CXCL13: variants seen among roughly 807,000 people sequenced by gnomAD.
CXCL13 encodes C-X-C motif chemokine 13.
CXCL13 carries 7 observed loss-of-function variants against 12.2 expected under a neutral mutation model. That is an observed-to-expected ratio of 0.57 (90% confidence interval 0.33 to 1.07). The LOEUF is 1.07. CXCL13 is among the 50% of genes least tolerant of loss of function. The probability of loss-of-function intolerance (pLI) is 0.04; values close to 1 mark genes in which losing one functional copy is unlikely to be tolerated. For missense variants in CXCL13, 113 were observed against 127.4 expected (o/e 0.89, Z 0.55); for synonymous variants, 47 against 42.4 (o/e 1.11, Z -0.42).
chr4:77,546,281 T>G (rs1315263842), intron 1 of CXCL13, among the ~76,000 whole-genome samples: 1 of 152,208 alleles, frequency 6.6e-6, no homozygotes, highest in Non-Finnish European at 1.5e-5. Context: ...TTAAGGAGGA[T>G]GCCCTCTTTT....
At chr4:77,605,542 AC>A (rs1726981888), upstream of CXCL13, among the ~76,000 whole-genome samples, 1 of 152,072 alleles carries the variant, frequency 6.6e-6, no homozygotes, top group Non-Finnish European at 1.5e-5. Flanking sequence ...GCTACTAAAG[AC>A]AGTGCTTTGG....
chr4:77,564,502 CTGA>C (rs1303787098), intron 1 of CXCL13, among the ~76,000 whole-genome samples: 7 of 152,158 alleles, frequency 4.6e-5, no homozygotes, highest in African/African-American at 1.4e-4. Context: ...CTGATTGTTC[CTGA>C]TGATATCCAG....
At chr4:77,557,810 A>T (rs1725694578) in intron 1 of CXCL13, among the ~76,000 whole-genome samples, 1 of 152,234 alleles carries the variant, frequency 6.6e-6, no homozygotes, top group East Asian at 1.9e-4. Context: ...TTATTGCTTC[A>T]GTAACACAGA....
intron 2 of CXCL13, among the ~76,000 whole-genome samples, chr4:77,609,262 G>C (rs933602330): frequency 2.0e-5 from 3 of 150,904 alleles, no homozygotes; most frequent in African/African-American, 7.3e-5. Flanking sequence ...TTATTGTTTT[G>C]GGGTTTTTGT....
At chr4:77,588,214 C>T (rs1359915689) in intron 1 of CXCL13, among the ~76,000 whole-genome samples, 1 of 152,212 alleles carries the variant, frequency 6.6e-6, no homozygotes, top group Non-Finnish European at 1.5e-5. Flanking sequence ...CCGTTCTCAC[C>T]ATTTAGTCTT....
At chr4:77,539,635 A>T (rs1258316480) in intron 1 of CXCL13, among the ~76,000 whole-genome samples, 1 of 152,206 alleles carries the variant, frequency 6.6e-6, no homozygotes, top group Admixed American at 6.5e-5. Context: ...CTGGAAGGTC[A>T]TATGCCAGTT....
At chr4:77,535,325 A>C (rs1560518192) in intron 1 of CXCL13, among the ~76,000 whole-genome samples, 2 of 152,120 alleles carry the variant, frequency 1.3e-5, no homozygotes, top group South Asian at 4.2e-4. Context: ...TAAATTCTTC[A>C]ATGTATTCCT....
At chr4:77,603,076 A>G (rs1030594501), upstream of CXCL13, among the ~76,000 whole-genome samples, 5 of 152,214 alleles carry the variant, frequency 3.3e-5, no homozygotes, top group African/African-American at 1.2e-4. Flanking sequence ...AATAGCAGCC[A>G]ATTTAGGAGT....
intron 1 of CXCL13, among the ~76,000 whole-genome samples, chr4:77,580,362 C>T (rs1199069592): frequency 6.0e-5 from 3 of 49,966 alleles, no homozygotes; most frequent in Admixed American, 3.5e-4. Context: ...GAGTCTCTCT[C>T]TTTCACCAGG....
intron 1 of CXCL13, among the ~76,000 whole-genome samples, chr4:77,570,719 G>C (rs1294273646): frequency 2.0e-5 from 3 of 152,242 alleles, no homozygotes; most frequent in African/African-American, 7.2e-5. Flanking sequence ...GCCAGCTGGA[G>C]TTCTGGGTGG....
intron 1 of CXCL13, among the ~76,000 whole-genome samples, chr4:77,531,097 CTTTA>C (rs1724904232): frequency 7.5e-6 from 1 of 132,820 alleles, no homozygotes; most frequent in African/African-American, 2.9e-5. Context: ...GAGTGAGTTT[CTTTA>C]TTATTATTAT....
rs1050217681 is a variant in CXCL13, at chr4:77,531,980, C to T, written c.-43+20192C>T. 9.2e-5 allele frequency among the ~76,000 whole-genome samples: 14 copies of T among 152,188 alleles called. No individual in the cohort carries two copies. The East Asian group carries it at 1.7e-3, about 19-fold the overall frequency. On this transcript the variant is annotated intron_variant, in intron 1 of 4. Transcript: ENST00000286758. ...GGGTTTCCTGAATACAGCACACTGA[C>T]GCGTCTTGACTCTTTATCCAATTTG... is the stretch of plus-strand genomic sequence containing the variant.
intron 1 of CXCL13, among the ~76,000 whole-genome samples, chr4:77,545,530 A>C (rs538137519): frequency 7.2e-5 from 11 of 152,164 alleles, no homozygotes; most frequent in Admixed American, 1.3e-4. Flanking sequence ...GAGTTCACTC[A>C]CGATTTGGCT....
intron 1 of CXCL13, among the ~76,000 whole-genome samples, chr4:77,577,125 A>T (rs949912623): frequency 6.6e-6 from 1 of 152,160 alleles, no homozygotes; most frequent in Non-Finnish European, 1.5e-5. Context: ...TTGCCAGGTG[A>T]TGGGAAAAAA....
At chr4:77,594,500 A>G (rs1363687325) in intron 1 of CXCL13, among the ~76,000 whole-genome samples, 1 of 151,946 alleles carries the variant, frequency 6.6e-6, no homozygotes, top group Non-Finnish European at 1.5e-5. Context: ...TATTAGAGCT[A>G]TTGGGCATCA....
intron 1 of CXCL13, among the ~76,000 whole-genome samples, chr4:77,524,120 C>T (rs1036288235): frequency 2.0e-5 from 3 of 152,248 alleles, no homozygotes; most frequent in South Asian, 2.1e-4. Flanking sequence ...CAGAGGGGCA[C>T]CTGCCTATAT....
rs117560455 is a variant in CXCL13 at position 77,543,014 on chromosome 4, T to C, written c.-43+31226T>C. 1.6e-4 allele frequency among the ~76,000 whole-genome samples: 25 copies of C among 152,146 alleles called. 2 individuals are homozygous for C. The East Asian group carries it at 4.8e-3, about 29-fold the overall frequency. On this transcript the variant is annotated intron_variant, in intron 1 of 4. Coordinates refer to the CXCL13 transcript ENST00000286758. ...TCTAGGGCTTTTCTCAGTTGGTAGGTTTTTTATTACTGATTGTATTTTGGA... is the reference window on the plus strand; with the variant it reads ...TCTAGGGCTTTTCTCAGTTGGTAGGCTTTTTATTACTGATTGTATTTTGGA...
intron 1 of CXCL13, among the ~76,000 whole-genome samples, chr4:77,512,893 A>G (rs1724309326): frequency 6.6e-6 from 1 of 152,092 alleles, no homozygotes; most frequent in South Asian, 2.1e-4. Flanking sequence ...CTCATCATTT[A>G]CGTTAGGTAT....
chr4:77,601,591 C>T (rs1414896463), upstream of CXCL13, among the ~76,000 whole-genome samples: 2 of 152,210 alleles, frequency 1.3e-5, no homozygotes, highest in Non-Finnish European at 2.9e-5. Flanking sequence ...AAAGTATCAC[C>T]TATGTGCCTA....
Sources: allele counts gnomAD v4.1 joint callset (sites outside exome capture counted in the v4.1 genomes callset), GRCh38; gene constraint gnomAD v4.1.1; transcripts MANE v1.5; gene names NCBI Gene and HGNC (gene_info 2026-07-23, HGNC 2026-07-21).